The following GGT5 variants were observed in gnomAD, a reference collection of about 807,000 sequenced individuals.
GGT5 encodes glutathione hydrolase 5 proenzyme.
Under a neutral mutation model 58.1 loss-of-function variants are expected in GGT5, and 50 were observed. The observed-to-expected ratio is 0.86, with a 90% CI of 0.69 to 1.09. The LOEUF is 1.09. Ranked by LOEUF, GGT5 falls within the 50% of genes least tolerant of loss-of-function variation. The pLI is 0.00. For synonymous variants in GGT5, 370 were observed against 346.1 expected (o/e 1.07, Z -0.77); for missense variants, 800 against 789.4 (o/e 1.01, Z -0.16).
Position 24,225,053 on chromosome 22 carries a change from G to A in GGT5, c.1557C>T (p.Ala519=). ...LGFDLRAAIA[A]PILHVNSKGC... ...CCTTGCTGTTGACATGCAGGATGGG[G>A]GCTGCAATGGCCGCTCTCAGGTCAA... Residue 519 remains alanine (A), a synonymous_variant, in exon 11 of 12, where the codon GCC becomes GCT. Coordinates refer to ENST00000327365, the MANE Select transcript of GGT5 (RefSeq NM_004121.5). 6.2e-7 allele frequency: 1 copy of A among 1,601,864 alleles called. No individual in the cohort carries two copies. The highest frequency in any genetic ancestry group is 2.3e-5 in the East Asian group (1 of 44,092).
intron 11 of GGT5, among the ~76,000 whole-genome samples, chr22:24,221,327 A>G (rs1259686350): frequency 6.6e-6 from 1 of 151,202 alleles, no homozygotes; most frequent in African/African-American, 2.5e-5. Context: ...AAAGATTCTG[A>G]CCCTCCCTAA....
Position 24,225,620 on chromosome 22 carries a change from C to A in GGT5, c.1262G>T (p.Gly421Val). ...FGAMVYSPRT[G>V]IILNNELLDL... is the part of the protein sequence containing the mutation. Reference sequence around the variant, plus strand: ...CAGGAGCTCGTTGTTGAGGATGATGCCTGTCCGTGGTGAATACACCATCGC... The same window carrying A: ...CAGGAGCTCGTTGTTGAGGATGATGACTGTCCGTGGTGAATACACCATCGC... The change falls in exon 9 of 12, where the codon GGC becomes GTC. Residue 421 changes from glycine to valine, a missense_variant. Coordinates refer to ENST00000327365, the MANE Select transcript of GGT5 (RefSeq NM_004121.5). 5 of 1,613,068 alleles carry A rather than the reference C, an allele frequency of 3.1e-6. No individual in the cohort carries two copies. The highest frequency in any genetic ancestry group is 4.2e-6 in the Non-Finnish European group (5 of 1,179,094).
chr22:24,222,808 T>A (rs376578436), intron 11 of GGT5, among the ~76,000 whole-genome samples: 22 of 151,982 alleles, frequency 1.4e-4, no homozygotes, highest in African/African-American at 4.8e-4. Context: ...CCGGGCGCGG[T>A]GGCTCACGCC....
chr22:24,222,871 A>T (rs1018082853), intron 11 of GGT5, among the ~76,000 whole-genome samples: 5 of 151,758 alleles, frequency 3.3e-5, no homozygotes, highest in Non-Finnish European at 7.4e-5. Context: ...AGGTCAGGAG[A>T]TCGAGACCAT....
chr22:24,226,942 A>ATTTTT (rs34544519), intron 6 of GGT5, among the ~76,000 whole-genome samples, 175 bp from the exon 7 acceptor site: 31 of 109,288 alleles, frequency 2.8e-4, no homozygotes, highest in African/African-American at 1.0e-3. Flanking sequence ...TAAGTTAAGG[A>ATTTTT]TTTTTTTTTT....
At chr22:24,221,576 G>A (rs1457053423) in intron 11 of GGT5, among the ~76,000 whole-genome samples, 1 of 152,188 alleles carries the variant, frequency 6.6e-6, no homozygotes, top group Non-Finnish European at 1.5e-5. Context: ...GCAATGGCAC[G>A]ACCTTGGCTC....
intron 6 of GGT5, among the ~76,000 whole-genome samples, chr22:24,226,986 T>C (rs1452846425): frequency 2.7e-5 from 4 of 150,780 alleles, no homozygotes; most frequent in Admixed American, 6.6e-5. Flanking sequence ...TCTCACTCTA[T>C]TGCCCAGGCT....
chr22:24,225,174 C>G (rs2047712760), intron 10 of GGT5, 68 bp from the exon 11 acceptor site: 1 of 1,584,424 alleles, frequency 6.3e-7, no homozygotes, highest in Non-Finnish European at 8.7e-7. Flanking sequence ...CCCTCACATC[C>G]CCACTCCAGA....
Position 24,232,945 on chromosome 22 carries a change from G to C in GGT5, c.474C>G (p.Pro158=). 6.4e-7 allele frequency: 1 copy of C among 1,570,706 alleles called. No homozygotes were observed. ...AEAHRRHGRL[P]WAQLFQPTIA... ...TGGTGGGCTGGAACAGCTGCGCCCA[G>C]GGCAGGCGGCCATGGCGGCGGTGGG... The change falls in exon 4 of 12, where the codon CCC becomes CCG. Residue 158 remains proline, a synonymous_variant. Transcript: ENST00000327365.
At chr22:24,226,855 A>G (rs1377019505) in intron 6 of GGT5, 88 bp from the exon 7 acceptor site, 1 of 1,100,270 alleles carries the variant, frequency 9.1e-7, no homozygotes, top group Non-Finnish European at 1.4e-6. Context: ...AGAAAGATCC[A>G]CCCACATCCT....
chr22:24,238,787 T>TA (rs1215663791), intron 1 of GGT5, among the ~76,000 whole-genome samples: 2 of 13,980 alleles, frequency 1.4e-4, no homozygotes, highest in Non-Finnish European at 2.2e-4. Flanking sequence ...ATAATATATA[T>TA]TATATATTTA....
chr22:24,220,542 AG>A, intron 11 of GGT5: 1 of 457,584 alleles, frequency 2.2e-6, no homozygotes, highest in Non-Finnish European at 4.4e-6. Flanking sequence ...ACTTGAGGCC[AG>A]GAGTTTGAGA....
At chr22:24,225,732 G>T in intron 8 of GGT5, 80 bp from the exon 9 acceptor site, 1 of 851,972 alleles carries the variant, frequency 1.2e-6, no homozygotes, top group Non-Finnish European at 2.0e-6. Context: ...CGCTTTGCAG[G>T]ACCCCCTCGT....
At chr22:24,235,338 G>A (rs754169988) in intron 1 of GGT5, among the ~76,000 whole-genome samples, 2 of 152,140 alleles carry the variant, frequency 1.3e-5, no homozygotes, top group Admixed American at 6.5e-5. Context: ...GATTACAGGC[G>A]TGAGCCACTG....
chr22:24,225,951 G>A (rs1383285458), intron 8 of GGT5, 125 bp downstream of exon 8: 3 of 694,522 alleles, frequency 4.3e-6, no homozygotes, highest in African/African-American at 3.6e-5. Context: ...TGAAATAGAG[G>A]AGGAGAAAAA....
At chr22:24,238,906 T>TAA (rs1491433421) in intron 1 of GGT5, among the ~76,000 whole-genome samples, 1 of 14,790 alleles carries the variant, frequency 6.8e-5, no homozygotes, top group African/African-American at 3.6e-4. Context: ...TATATATATA[T>TAA]TATATATATT....
chr22:24,233,557 G>A lies in GGT5; in HGVS notation c.341C>T (p.Pro114Leu), dbSNP rs376018889. 2.9e-5 allele frequency: 46 copies of A among 1,609,256 alleles called. No homozygotes were observed. Among genetic ancestry groups the A allele is most frequent in the African/African-American group, 6.7e-5 (5 of 74,828 alleles). ...CAGCAGGCTCGGGGCGTGGCTGGCC[G>A]GCACCGTCTCCCGGGCATTGATGAC... ...VEVINARETV[P>L]ASHAPSLLDQ... is the part of the protein sequence containing the mutation. Residue 114 changes from proline (P) to leucine (L), a missense_variant, in exon 3 of 12, where the codon CCG (proline) becomes CTG (leucine). Physicochemically the swap from Pro to Leu is moderately conservative, Grantham distance 98 (BLOSUM62 -3). Coordinates refer to ENST00000327365, the MANE Select transcript of GGT5 (RefSeq NM_004121.5).
Position 24,232,824 on chromosome 22 carries a change from G to C in GGT5, c.595C>G (p.Arg199Gly). Residue 199 changes from arginine to glycine, a missense_variant and splice_region_variant, in exon 4 of 12, where the codon CGC (arginine) becomes GGC (glycine). Transcript: ENST00000327365. ...LRPSLQASTLRQLFFNGTEPL... is the reference protein window; with the variant it reads ...LRPSLQASTLGQLFFNGTEPL... ...CCAGGGCCACCATGTGGGGCTCACC[G>C]CAGGGTTGACGCCTGCAAGGAAGGC... 6.6e-7 allele frequency: 1 copy of C among 1,513,432 alleles called. No homozygotes were observed. Among genetic ancestry groups the C allele is most frequent in the South Asian group, 1.3e-5 (1 of 78,448 alleles). 93.8% of individuals were successfully genotyped at this position (1,513,432 alleles called of 1,614,324 possible).
rs756973423 is a variant in GGT5 at position 24,225,296 on chromosome 22, C to T, written c.1452G>A (p.Lys484=). Residue 484 remains lysine (K), a synonymous_variant, in exon 10 of 12, where the codon AAG becomes AAA. Transcript: ENST00000327365. ...CCCCGCCAGCCCCGCCAATCACTAG[C>T]TTCGACCCCTGGGCTTTGTTGATCA... is the stretch of plus-strand genomic sequence containing the variant. ...SILINKAQGS[K]LVIGGAGGEL... 1.2e-6 allele frequency: 2 copies of T among 1,614,140 alleles called. No homozygotes were observed. The highest frequency in any genetic ancestry group is 1.7e-5 in the Admixed American group (1 of 60,026).
Sources: gnomAD v4.1 joint callset for allele counts (sites outside exome capture counted in the v4.1 genomes callset) on GRCh38, gnomAD v4.1.1 for gene constraint, MANE v1.5 for transcripts, NCBI Gene and HGNC (gene_info 2026-07-23, HGNC 2026-07-21) for gene names.